Variants in DGAT1 observed in about 807,000 individuals in gnomAD.
The protein encoded by DGAT1 is diacylglycerol O-acyltransferase 1, also known as ACAT related gene product 1.
Under a neutral mutation model 72.6 loss-of-function variants are expected in DGAT1, and 60 were observed. The observed-to-expected ratio is 0.83, with a 90% CI of 0.67 to 1.02. The LOEUF (loss-of-function observed/expected upper bound fraction) is 1.02. Among genes scored for constraint, DGAT1 ranks in the 50% least tolerant of loss-of-function variants. DGAT1 has a pLI of 0.00. For synonymous variants in DGAT1, 290 were observed against 267.5 expected, an observed-to-expected ratio of 1.08 and a Z score of -0.82; for missense variants, 592 against 670.0, an observed-to-expected ratio of 0.88 and a Z score of 1.29.
chr8:144,316,370 G>T lies in DGAT1; in HGVS notation c.*184C>A. 1 of 742,794 alleles carries T rather than the reference G, an allele frequency of 1.3e-6. No individual in the cohort carries two copies. Among genetic ancestry groups the T allele is most frequent in the Non-Finnish European group, 2.1e-6 (1 of 472,254 alleles). 46.0% of individuals were successfully genotyped at this position (742,794 alleles called of 1,614,324 possible). A position where few individuals can be genotyped will look rare whatever the true frequency, so the allele number is the denominator to read the frequency against. On this transcript the variant is annotated 3_prime_UTR_variant, in exon 17 of 17. Transcript: ENST00000528718. Reference sequence around the variant, plus strand: ...TCCCAGCTGGCATCAGACTGTGTCTGGCCTGCTGTCGCCATCCCTGAGGGG... The same window carrying T: ...TCCCAGCTGGCATCAGACTGTGTCTTGCCTGCTGTCGCCATCCCTGAGGGG...
At position 144,317,540 on chromosome 8, in the gene DGAT1, T is replaced by G; in HGVS notation, c.981+4A>C. On this transcript the variant is annotated splice_donor_region_variant and intron_variant, in intron 12 of 16. Transcript: ENST00000528718. ...CTGTGCATGCGCCACCTGTCCGCACTCACCGCCAGCTTCAGGAGGCGCTCG... is the reference window on the plus strand; with the variant it reads ...CTGTGCATGCGCCACCTGTCCGCACGCACCGCCAGCTTCAGGAGGCGCTCG... 6.2e-7 allele frequency: 1 copy of G among 1,613,868 alleles called. No individual in the cohort carries two copies. The highest frequency in any genetic ancestry group is 1.6e-4 in the Middle Eastern group (1 of 6,062).
At chr8:144,326,394 G>C in intron 1 of DGAT1, 43 bp downstream of exon 1, 1 of 1,370,644 alleles carries the variant, frequency 7.3e-7, no homozygotes, top group South Asian at 1.6e-5. Context: ...GGAAAGTCGC[G>C]GGGCCCTTGG....
chr8:144,326,397 G>C, intron 1 of DGAT1, 40 bp downstream of exon 1: 1 of 1,377,796 alleles, frequency 7.3e-7, no homozygotes, highest in Non-Finnish European at 9.5e-7. Flanking sequence ...AAGTCGCGGG[G>C]CCCTTGGGTC....
intron 2 of DGAT1, among the ~76,000 whole-genome samples, chr8:144,320,578 G>A (rs1332387504): frequency 1.3e-5 from 2 of 152,160 alleles, no homozygotes; most frequent in African/African-American, 2.4e-5. Context: ...GAGTTGGGGA[G>A]GCTGGGCCCA....
chr8:144,321,447 C>T (rs1169644271), intron 1 of DGAT1, 39 bp from the exon 2 acceptor site: 1 of 1,579,824 alleles, frequency 6.3e-7, no homozygotes, highest in East Asian at 2.2e-5. Context: ...GAGTGGGCAC[C>T]AGCAGGGCAG....
At chr8:144,324,535 G>C (rs1817545522) in intron 1 of DGAT1, among the ~76,000 whole-genome samples, 1 of 152,138 alleles carries the variant, frequency 6.6e-6, no homozygotes, top group South Asian at 2.1e-4. Flanking sequence ...TCAGCCTCCA[G>C]CCCCATGAAG....
intron 1 of DGAT1, among the ~76,000 whole-genome samples, chr8:144,326,148 T>A (rs1302713898): frequency 2.0e-5 from 3 of 151,372 alleles, no homozygotes; most frequent in African/African-American, 7.3e-5. Flanking sequence ...AGCCCGCCCC[T>A]CGAAAAGCTC....
rs781922801 is a variant in DGAT1 at position 144,316,901 on chromosome 8, G to A, written c.1263C>T (p.Val421=). ...CCCAGAGGCGGAACATTCGCAGAGG[G>A]ACGCTCACCAGGTACTGAGATGGGA... is the stretch of plus-strand genomic sequence containing the variant. ...SAFFHEYLVS[V]PLRMFRLWAF... is the part of the protein sequence containing the mutation. The change falls in exon 16 of 17, where the codon GTC becomes GTT. Residue 421 remains valine (V), a synonymous_variant. Coordinates refer to ENST00000528718, the MANE Select transcript of DGAT1 (RefSeq NM_012079.6). 2.3e-5 allele frequency: 37 copies of A among 1,612,250 alleles called. No individual in the cohort carries two copies. The highest frequency in any genetic ancestry group is 5.3e-5 in the African/African-American group (4 of 74,916).
At position 144,317,124 on chromosome 8, in the gene DGAT1, G is replaced by A. The variant is rs781901618; in HGVS notation, c.1161-15C>T. ...TGTAGAAGTGTCTGCAGAGGAGGGG[G>A]CATGGAAAGCGGTTCAGGTTCACAG... On this transcript the variant is annotated splice_polypyrimidine_tract_variant and intron_variant, in intron 14 of 16. Coordinates refer to ENST00000528718, the MANE Select transcript of DGAT1 (RefSeq NM_012079.6). The A allele has an allele frequency of 1.9e-6, 3 of 1,612,710 alleles. No homozygotes were observed. The highest frequency in any genetic ancestry group is 2.2e-5 in the East Asian group (1 of 44,864).
At position 144,318,269 on chromosome 8, in the gene DGAT1, G is replaced by A; in HGVS notation, c.668C>T (p.Ala223Val). 1 of 1,612,704 alleles carries A rather than the reference G, an allele frequency of 6.2e-7. No homozygotes were observed. Among genetic ancestry groups the A allele is most frequent in the South Asian group, 1.1e-5 (1 of 91,074 alleles). Residue 223 changes from alanine (A) to valine (V), a missense_variant, in exon 7 of 17, where the codon GCC (alanine) becomes GTC (valine). Physicochemically the swap from Ala to Val is moderately conservative, Grantham distance 64. Transcript: ENST00000528718. ...CCCTGGCAGCCCCTCACCAGCCTTG[G>A]CCCTGGCCCTGCGGCACCATGAGTT... ...DVNSWCRRARAKAASAGKKAS... is the reference protein window; with the variant it reads ...DVNSWCRRARVKAASAGKKAS...
chr8:144,324,466 G>A (rs782465489), intron 1 of DGAT1, among the ~76,000 whole-genome samples: 58 of 152,272 alleles, frequency 3.8e-4, no homozygotes, highest in African/African-American at 1.4e-3. Context: ...CTAGGTCTGA[G>A]GGACAAGCAC....
chr8:144,319,202 C>T lies in DGAT1; in HGVS notation c.289-134G>A, dbSNP rs928863879. ...CAGCCTCAGGCTTGCAGACCCAGCCCTGTCTGGTCTCCATGCCAAGCTCTG... is the reference window on the plus strand; with the variant it reads ...CAGCCTCAGGCTTGCAGACCCAGCCTTGTCTGGTCTCCATGCCAAGCTCTG... On this transcript the variant is annotated intron_variant, in intron 2 of 16. Coordinates refer to ENST00000528718, the MANE Select transcript of DGAT1 (RefSeq NM_012079.6). 1.7e-5 allele frequency: 17 copies of T among 982,688 alleles called. No individual in the cohort carries two copies. In the South Asian group the frequency reaches 2.4e-4, roughly 14 times the overall value. The allele number at this position is 982,688 out of a possible 1,614,324, so 60.9% of individuals were successfully genotyped here. A position where few individuals can be genotyped will look rare whatever the true frequency, so the allele number is the denominator to read the frequency against.
At position 144,317,025 on chromosome 8, in the gene DGAT1, G is replaced by A. The variant is rs142347230; in HGVS notation, c.1245C>T (p.His415=). ...AGATGCCCCCCAGAGCACTGACCTC[G>A]TGGAAGAAGGCCGAGGCCAGGAACA... ...TGVFLASAFF[H]EYLVSVPLRM... The change falls in exon 15 of 17, where the codon CAC becomes CAT. Residue 415 remains histidine (H), a synonymous_variant. Coordinates refer to ENST00000528718, the MANE Select transcript of DGAT1 (RefSeq NM_012079.6). 2.9e-5 allele frequency: 47 copies of A among 1,612,200 alleles called. No homozygotes were observed. The African/African-American group carries it at 3.7e-4, about 13-fold the overall frequency.
Position 144,326,730 on chromosome 8 carries a change from G to A in DGAT1, c.-94C>T. The A allele has an allele frequency of 9.9e-7, 1 of 1,011,388 alleles. No individual in the cohort carries two copies. Among genetic ancestry groups the A allele is most frequent in the Non-Finnish European group, 1.2e-6 (1 of 825,936 alleles). 62.7% of individuals were successfully genotyped at this position (1,011,388 alleles called of 1,614,324 possible). ...CCCCACCTCCGGGCCCTAGACAACG[G>A]CCGCCACTGCCCCCTGCCGGCCGCC... On this transcript the variant is annotated 5_prime_UTR_variant, in exon 1 of 17. Transcript: ENST00000528718.
chr8:144,321,511 GC>G, intron 1 of DGAT1, 103 bp from the exon 2 acceptor site: 1 of 1,020,828 alleles, frequency 9.8e-7, no homozygotes, highest in Non-Finnish European at 1.5e-6. Context: ...CTGCCCTCAG[GC>G]CCCACTCCTT....
rs782778413 is a variant in DGAT1 at position 144,318,692 on chromosome 8, T to G, written c.468+7A>C. On this transcript the variant is annotated splice_region_variant and intron_variant, in intron 5 of 16. Transcript: ENST00000528718. The stretch of plus-strand genomic sequence containing the variant: ...GAGCACACACGGAGGTGAGGGGCAC[T>G]GCTTACCACCGCCAGGCGCTTCTCA... The G allele has an allele frequency of 6.2e-7, 1 of 1,608,856 alleles. No individual in the cohort carries two copies. The highest frequency in any genetic ancestry group is 8.5e-7 in the Non-Finnish European group (1 of 1,178,188).
rs1817363916 is a variant in DGAT1, at chr8:144,319,032, T to C, written c.325A>G (p.Ile109Val). The change falls in exon 3 of 17, where the codon ATC becomes GTC. Residue 109 changes from isoleucine (I) to valine (V), a missense_variant. Ile to Val is a conservative substitution (Grantham distance 29, BLOSUM62 3). Coordinates refer to ENST00000528718, the MANE Select transcript of DGAT1 (RefSeq NM_012079.6). ...SNARLFLENL[I>V]KYGILVDPIQ... is the part of the protein sequence containing the mutation. ...GGACCTGGCAAAGGCACTCACTTGA[T>C]GAGGTTCTCCAGAAATAACCGGGCA... 16 of 1,558,446 alleles carry C rather than the reference T, an allele frequency of 1.0e-5. No homozygotes were observed. The highest frequency in any genetic ancestry group is 1.2e-5 in the Non-Finnish European group (14 of 1,151,126).
chr8:144,317,505 C>CCCTCCTGTCCTGTGCATGCG, intron 12 of DGAT1, 39 bp downstream of exon 12: 1 of 1,613,774 alleles, frequency 6.2e-7, no homozygotes. Flanking sequence ...TGCCACTGTC[C>CCCTCCTGTCCTGTGCATGCG]CCTCCTGTCC....
At chr8:144,323,526 G>A (rs1223747308) in intron 1 of DGAT1, among the ~76,000 whole-genome samples, 3 of 152,316 alleles carry the variant, frequency 2.0e-5, no homozygotes, top group Admixed American at 2.0e-4. Flanking sequence ...AGGGCAGGCT[G>A]CATGGAACGG....
Sources: allele counts gnomAD v4.1 joint callset (sites outside exome capture counted in the v4.1 genomes callset), GRCh38; gene constraint gnomAD v4.1.1; transcripts MANE v1.5; gene names NCBI Gene and HGNC (gene_info 2026-07-23, HGNC 2026-07-21).